BRINP2: variants seen among roughly 807,000 people sequenced by gnomAD.
The protein encoded by BRINP2 is BMP/retinoic acid inducible neural specific 2.
In BRINP2, 21 loss-of-function variants were observed where a neutral mutation model predicts 69.2. The ratio of observed to expected loss-of-function variants is 0.30; its 90% CI spans 0.22 to 0.44. The LOEUF is 0.44. Ranked by LOEUF, BRINP2 falls within the 20% of genes least tolerant of loss-of-function variation. The pLI, the probability that BRINP2 is intolerant of heterozygous loss-of-function variation, is 1.00. For synonymous variants in BRINP2, 380 were observed against 394.1 expected, an observed-to-expected ratio of 0.96 and a Z score of 0.42; for missense variants, 877 against 986.0, an observed-to-expected ratio of 0.89 and a Z score of 1.48.
At position 177,266,354 on chromosome 1, in the gene BRINP2, T is replaced by G. The variant is rs868449868; in HGVS notation, c.670-7134T>G. Among the ~76,000 whole-genome samples, 25 of 152,268 alleles carry G rather than the reference T, an allele frequency of 1.6e-4. No individual in the cohort carries two copies. In the Middle Eastern group the frequency reaches 0.014, roughly 83 times the overall value. ...ATCATACCTAAATATCAGGCTTTAC[T>G]CAAATATGTCATATTCTCATATCTC... On this transcript the variant is annotated intron_variant, in intron 4 of 7. Transcript: ENST00000361539.
At chr1:177,266,417 C>A (rs551894282) in intron 4 of BRINP2, among the ~76,000 whole-genome samples, 1 of 152,078 alleles carries the variant, frequency 6.6e-6, no homozygotes, top group African/African-American at 2.4e-5. Context: ...ACTTGTAATG[C>A]TTGTCTGTTC....
At position 177,208,415 on chromosome 1, in the gene BRINP2, G is replaced by C. The variant is rs734133; in HGVS notation, c.-76-21386G>C. The stretch of plus-strand genomic sequence containing the variant: ...ACAAATATCCAACAAATGAGAATAA[G>C]TAGATAAGTACTGTCTTTTAAAAAA... On this transcript the variant is annotated intron_variant, in intron 1 of 7. Coordinates refer to ENST00000361539, the MANE Select transcript of BRINP2 (RefSeq NM_021165.4). 5.7e-3 allele frequency among the ~76,000 whole-genome samples: 867 copies of C among 152,266 alleles called. 13 individuals carry two copies. Among genetic ancestry groups the C allele is most frequent in the African/African-American group, 0.02 (828 of 41,534 alleles).
chr1:177,172,333 A>G (rs994115591), intron 1 of BRINP2, among the ~76,000 whole-genome samples: 10 of 152,166 alleles, frequency 6.6e-5, no homozygotes, highest in Non-Finnish European at 1.3e-4. Flanking sequence ...AGCACTGGAG[A>G]CACTAGGGAA....
At chr1:177,222,911 A>T (rs1382128373) in intron 1 of BRINP2, among the ~76,000 whole-genome samples, 3 of 152,072 alleles carry the variant, frequency 2.0e-5, no homozygotes, top group Non-Finnish European at 4.4e-5. Flanking sequence ...GGGGTTTCTT[A>T]ATGATGGAGG....
intron 1 of BRINP2, among the ~76,000 whole-genome samples, chr1:177,212,046 T>C (rs1000514977): frequency 1.1e-4 from 17 of 148,156 alleles, no homozygotes; most frequent in Non-Finnish European, 4.5e-5. Context: ...GTGCCATCTG[T>C]CTACATATCT....
chr1:177,265,128 C>CAG (rs1436916192), intron 4 of BRINP2, among the ~76,000 whole-genome samples: 1 of 152,102 alleles, frequency 6.6e-6, no homozygotes, highest in Non-Finnish European at 1.5e-5. Flanking sequence ...TGGAACAGAA[C>CAG]AGAGGCCTTA....
chr1:177,194,924 C>A (rs539915987), intron 1 of BRINP2, among the ~76,000 whole-genome samples: 2 of 152,270 alleles, frequency 1.3e-5, no homozygotes, highest in South Asian at 4.2e-4. Flanking sequence ...TAAGACATCA[C>A]CTTCCGGGCC....
At chr1:177,200,268 G>A (rs1648864910) in intron 1 of BRINP2, among the ~76,000 whole-genome samples, 1 of 121,258 alleles carries the variant, frequency 8.2e-6, no homozygotes, top group Admixed American at 1.1e-4. Flanking sequence ...CTCCAGCCTG[G>A]GCAACAGGAG....
At chr1:177,199,217 A>C (rs901919508) in intron 1 of BRINP2, among the ~76,000 whole-genome samples, 2 of 152,168 alleles carry the variant, frequency 1.3e-5, no homozygotes, top group South Asian at 4.1e-4. Flanking sequence ...TGTCTTAGAG[A>C]GAGGAATTGT....
At chr1:177,233,757 T>G (rs754364828) in intron 2 of BRINP2, among the ~76,000 whole-genome samples, 1 of 152,218 alleles carries the variant, frequency 6.6e-6, no homozygotes, top group Non-Finnish European at 1.5e-5. Flanking sequence ...TATGTTAAAG[T>G]TGCCATAGGT....
chr1:177,262,129 A>T (rs1373619691), intron 4 of BRINP2, among the ~76,000 whole-genome samples: 1 of 152,174 alleles, frequency 6.6e-6, no homozygotes, highest in East Asian at 1.9e-4. Context: ...TGGAAAAATG[A>T]GTGATAACTG....
chr1:177,230,228 C>G lies in BRINP2; in HGVS notation c.269+83C>G, dbSNP rs1649826395. On this transcript the variant is annotated intron_variant, in intron 2 of 7. Coordinates refer to ENST00000361539, the MANE Select transcript of BRINP2 (RefSeq NM_021165.4). ...CCTGCTGGTGTGCTGGCCCAAACCC[C>G]TAAACAGGCTGGAATGCCCTCAAAC... The G allele has an allele frequency of 1.9e-5, 28 of 1,449,004 alleles. No homozygotes were observed. The South Asian group carries it at 3.3e-4, about 17-fold the overall frequency. 89.8% of individuals were successfully genotyped at this position (1,449,004 alleles called of 1,614,324 possible).
At chr1:177,274,283 TG>T (rs1391372060) in intron 5 of BRINP2, among the ~76,000 whole-genome samples, 1 of 152,200 alleles carries the variant, frequency 6.6e-6, no homozygotes, top group Non-Finnish European at 1.5e-5. Flanking sequence ...GCAGGCATCC[TG>T]GGGGCAGGGC....
intron 1 of BRINP2, among the ~76,000 whole-genome samples, chr1:177,185,603 G>C (rs1648405433): frequency 1.3e-5 from 2 of 152,214 alleles, no homozygotes; most frequent in Middle Eastern, 6.8e-3. Flanking sequence ...TATTTATCAG[G>C]CACTAGTCTA....
chr1:177,260,239 T>A (rs943316571), intron 4 of BRINP2, among the ~76,000 whole-genome samples: 3 of 152,098 alleles, frequency 2.0e-5, no homozygotes, highest in Non-Finnish European at 2.9e-5. Context: ...AGAACTGAAA[T>A]AAAACGTAGA....
At chr1:177,245,036 G>A (rs1650331306) in intron 2 of BRINP2, among the ~76,000 whole-genome samples, 1 of 152,140 alleles carries the variant, frequency 6.6e-6, no homozygotes. Context: ...TGGCGAGAAT[G>A]ATGATTCAAT....
chr1:177,251,071 C>T (rs1650567432), intron 2 of BRINP2, among the ~76,000 whole-genome samples: 1 of 152,132 alleles, frequency 6.6e-6, no homozygotes, highest in Admixed American at 6.6e-5. Flanking sequence ...CTTCCTTAGA[C>T]AGTATCATTC....
intron 4 of BRINP2, among the ~76,000 whole-genome samples, chr1:177,270,774 C>A (rs1196027915): frequency 2.6e-5 from 4 of 152,156 alleles, no homozygotes; most frequent in Admixed American, 1.3e-4. Flanking sequence ...AAATACCATA[C>A]CCCTGTGTCC....
chr1:177,212,113 T>C (rs1018676852), intron 1 of BRINP2, among the ~76,000 whole-genome samples: 1 of 150,936 alleles, frequency 6.6e-6, no homozygotes, highest in Non-Finnish European at 1.5e-5. Context: ...AGATAGATGA[T>C]AGATAAAATG....
Sources: allele counts gnomAD v4.1 joint callset (sites outside exome capture counted in the v4.1 genomes callset), GRCh38; gene constraint gnomAD v4.1.1; transcripts MANE v1.5; gene names NCBI Gene and HGNC (gene_info 2026-07-23, HGNC 2026-07-21).